Variants in SIK3 observed in about 807,000 individuals in gnomAD.
SIK3 encodes the protein serine/threonine-protein kinase SIK3.
SIK3 carries 28 observed loss-of-function variants against 144.2 expected under a neutral mutation model. That is an observed-to-expected ratio of 0.19 (90% confidence interval 0.14 to 0.27). SIK3 has a LOEUF of 0.27. SIK3 is among the 10% of genes least tolerant of loss of function. The pLI is 1.00. For synonymous variants in SIK3, 686 were observed against 676.3 expected (o/e 1.01, Z -0.22); for missense variants, 1,319 against 1,776.0 (o/e 0.74, Z 4.62).
At position 117,040,932 on chromosome 11, in the gene SIK3, C is replaced by A. The variant is rs148911861; in HGVS notation, c.273+57211G>T. ...AAGCAAATTAATTTATCCATCACCT[C>A]ACAGTTACCTGCCTCCTTTTTTTTT... On this transcript the variant is annotated intron_variant, in intron 1 of 24. Transcript: ENST00000445177. Among the ~76,000 whole-genome samples, 466 of 147,940 alleles carry A rather than the reference C, an allele frequency of 3.1e-3. 3 individuals are homozygous for A. Among genetic ancestry groups the A allele is most frequent in the African/African-American group, 0.011 (448 of 40,230 alleles).
At chr11:116,991,222 C>T (rs369106557) in intron 1 of SIK3, among the ~76,000 whole-genome samples, 4 of 152,200 alleles carry the variant, frequency 2.6e-5, no homozygotes, top group South Asian at 2.1e-4. Context: ...CCAAGGTGGG[C>T]GGATCCAAGG....
chr11:116,991,411 C>CG (rs1368936778), intron 1 of SIK3, among the ~76,000 whole-genome samples: 3 of 152,152 alleles, frequency 2.0e-5, no homozygotes, highest in African/African-American at 7.2e-5. Flanking sequence ...CATGCCACTG[C>CG]GCTCCAGTAT....
At chr11:116,885,764 C>G (rs1480997552) in intron 6 of SIK3, among the ~76,000 whole-genome samples, 1 of 152,174 alleles carries the variant, frequency 6.6e-6, no homozygotes, top group Non-Finnish European at 1.5e-5. Flanking sequence ...TAGATGGTCT[C>G]TGAAGCCAGA....
chr11:116,902,129 A>G (rs1945768255), intron 4 of SIK3, among the ~76,000 whole-genome samples: 2 of 152,352 alleles, frequency 1.3e-5, no homozygotes, highest in South Asian at 4.1e-4. Context: ...TGGCACTGGA[A>G]TGACTGGATA....
intron 4 of SIK3, among the ~76,000 whole-genome samples, chr11:116,903,224 A>T (rs1029979512): frequency 6.6e-6 from 1 of 152,234 alleles, no homozygotes; most frequent in Non-Finnish European, 1.5e-5. Flanking sequence ...CCTCCTCTTC[A>T]TTCTCTTAGC....
At chr11:116,872,959 T>G (rs1944042488) in intron 13 of SIK3, among the ~76,000 whole-genome samples, 1 of 152,226 alleles carries the variant, frequency 6.6e-6, no homozygotes, top group Non-Finnish European at 1.5e-5. Flanking sequence ...GACTATCATA[T>G]GAAGGACATG....
intron 1 of SIK3, among the ~76,000 whole-genome samples, chr11:116,975,578 A>C (rs892176808): frequency 6.6e-6 from 1 of 152,192 alleles, no homozygotes; most frequent in African/African-American, 2.4e-5. Flanking sequence ...ATTCCATTGT[A>C]TGGATATATT....
At chr11:116,948,255 T>C (rs1037169468) in intron 3 of SIK3, among the ~76,000 whole-genome samples, 1 of 151,898 alleles carries the variant, frequency 6.6e-6, no homozygotes, top group African/African-American at 2.4e-5. Context: ...TGATGTATAG[T>C]TGTTCATAAT....
chr11:116,933,129 C>T (rs1181393400), intron 3 of SIK3, among the ~76,000 whole-genome samples: 1 of 149,844 alleles, frequency 6.7e-6, no homozygotes, highest in East Asian at 2.0e-4. Context: ...TGTCTATTAA[C>T]CTTGCTCCTT....
intron 1 of SIK3, among the ~76,000 whole-genome samples, chr11:116,970,570 A>C (rs1277174801): frequency 6.6e-6 from 1 of 152,104 alleles, no homozygotes; most frequent in Non-Finnish European, 1.5e-5. Flanking sequence ...GGCTGCTCTC[A>C]AACTCCCGGG....
chr11:116,936,402 T>G (rs1282507091), intron 3 of SIK3, among the ~76,000 whole-genome samples: 1 of 152,058 alleles, frequency 6.6e-6, no homozygotes, highest in African/African-American at 2.4e-5. Context: ...TCTCAAACTC[T>G]TTACCTCAAG....
intron 4 of SIK3, among the ~76,000 whole-genome samples, chr11:116,902,632 A>G (rs1265956961): frequency 1.3e-5 from 2 of 152,230 alleles, no homozygotes; most frequent in African/African-American, 4.8e-5. Context: ...GTAAGATTCA[A>G]CAACAACCAA....
At position 116,844,482 on chromosome 11, in the gene SIK3, T is replaced by G. The variant is rs901145840; in HGVS notation, c.*1161A>C. ...TGATCAAGAATTAAAATATAGGGGC[T>G]GAGGGTACCCAGTGGGGAAGAGGAG... On this transcript the variant is annotated 3_prime_UTR_variant, in exon 25 of 25. Coordinates refer to ENST00000445177, the MANE Select transcript of SIK3 (RefSeq NM_001366686.3). 93 of 149,292 alleles carry G rather than the reference T, an allele frequency of 6.2e-4. No homozygotes were observed. Among genetic ancestry groups the G allele is most frequent in the African/African-American group, 2.3e-3 (93 of 40,764 alleles). 9.2% of individuals were successfully genotyped at this position (149,292 alleles called of 1,614,324 possible).
At chr11:117,005,064 T>C (rs1392131317) in intron 1 of SIK3, among the ~76,000 whole-genome samples, 1 of 152,156 alleles carries the variant, frequency 6.6e-6, no homozygotes, top group Non-Finnish European at 1.5e-5. Flanking sequence ...CCAGTGTTTT[T>C]CCTACTATAT....
chr11:117,060,407 G>C (rs577822803), intron 1 of SIK3, among the ~76,000 whole-genome samples: 4 of 152,070 alleles, frequency 2.6e-5, no homozygotes, highest in African/African-American at 9.6e-5. Flanking sequence ...GACCAACCTG[G>C]CCAACATGGT....
Position 116,981,723 on chromosome 11 carries a change from T to C in SIK3, c.274-24659A>G, listed in dbSNP as rs553907887. Among the ~76,000 whole-genome samples, 126 of 152,312 alleles carry C rather than the reference T, an allele frequency of 8.3e-4. 1 individual carries two copies. The highest frequency in any genetic ancestry group is 3.5e-3 in the Admixed American group (54 of 15,296). ...AAGTCTTTAAGGCCTGACTAGAAAG[T>C]GTGTTTTCGCCAGGCGTGGTAGCTC... On this transcript the variant is annotated intron_variant, in intron 1 of 24. Coordinates refer to ENST00000445177, the MANE Select transcript of SIK3 (RefSeq NM_001366686.3).
intron 9 of SIK3, 78 bp from the exon 10 acceptor site, chr11:116,875,529 T>C: frequency 6.8e-7 from 1 of 1,461,988 alleles, no homozygotes; most frequent in African/African-American, 1.4e-5. Context: ...GTAGTCTTGA[T>C]TGCTAAAGTC....
At chr11:116,988,508 G>A (rs1338305022) in intron 1 of SIK3, among the ~76,000 whole-genome samples, 2 of 152,090 alleles carry the variant, frequency 1.3e-5, no homozygotes, top group South Asian at 2.1e-4. Context: ...GGCCCAGCCA[G>A]TGGTGCTCAC....
intron 1 of SIK3, among the ~76,000 whole-genome samples, chr11:116,957,551 C>CAAT (rs1288311385): frequency 3.3e-5 from 5 of 151,970 alleles, no homozygotes; most frequent in South Asian, 4.1e-4. Context: ...TTGTAGAACT[C>CAAT]AATAATAATA....
Sources: allele counts gnomAD v4.1 joint callset (sites outside exome capture counted in the v4.1 genomes callset), GRCh38; gene constraint gnomAD v4.1.1; transcripts MANE v1.5; gene names NCBI Gene and HGNC (gene_info 2026-07-23, HGNC 2026-07-21).